The following FER variants were observed in gnomAD, a reference collection of about 807,000 sequenced individuals.
The protein encoded by FER is FER tyrosine kinase.
A neutral mutation model predicts 111.0 loss-of-function variants in FER; 63 were observed. The observed-to-expected ratio is 0.57, with a 90% CI of 0.46 to 0.70. FER has a LOEUF of 0.70. FER is among the 30% of genes least tolerant of loss of function. The probability of loss-of-function intolerance (pLI) is 0.00; values close to 1 mark genes in which losing one functional copy is unlikely to be tolerated. For synonymous variants in FER, 327 were observed against 313.9 expected, an observed-to-expected ratio of 1.04 and a Z score of -0.44; for missense variants, 914 against 954.0, an observed-to-expected ratio of 0.96 and a Z score of 0.55.
intron 17 of FER, among the ~76,000 whole-genome samples, chr5:109,162,766 A>G (rs1241876980): frequency 1.3e-5 from 2 of 152,158 alleles, no homozygotes; most frequent in African/African-American, 4.8e-5. Context: ...ATAGTTACAA[A>G]TAGATATTTA....
intron 13 of FER, among the ~76,000 whole-genome samples, chr5:108,998,637 A>G (rs997409072): frequency 2.6e-5 from 4 of 152,126 alleles, no homozygotes; most frequent in Non-Finnish European, 5.9e-5. Context: ...TTCCATCAAT[A>G]CCTAGTTTAT....
chr5:108,957,258 G>A (rs537171519), intron 12 of FER, among the ~76,000 whole-genome samples: 1 of 151,698 alleles, frequency 6.6e-6, no homozygotes, highest in Non-Finnish European at 1.5e-5. Context: ...ATGCATTCAT[G>A]CATTCAAGAC....
chr5:109,030,283 G>A (rs12153527), intron 13 of FER, among the ~76,000 whole-genome samples: 28,222 of 151,952 alleles, frequency 0.19, 2,775 homozygotes, highest in Non-Finnish European at 0.22. Context: ...TCCTCGTCAG[G>A]TAATTCCAAC....
At chr5:108,797,293 G>T (rs775982519) in intron 2 of FER, among the ~76,000 whole-genome samples, 2 of 152,086 alleles carry the variant, frequency 1.3e-5, no homozygotes, top group Non-Finnish European at 2.9e-5. Flanking sequence ...CAAGCAGAAG[G>T]ATGGAGTCAC....
At chr5:108,899,843 T>C (rs1434481235) in intron 10 of FER, among the ~76,000 whole-genome samples, 7 of 152,150 alleles carry the variant, frequency 4.6e-5, no homozygotes, top group Middle Eastern at 3.4e-3. Flanking sequence ...GAGTTTAATA[T>C]TTCATAATCA....
chr5:108,869,939 C>G lies in FER; in HGVS notation c.666-1426C>G, dbSNP rs557415430. Among the ~76,000 whole-genome samples, 7 of 152,134 alleles carry G rather than the reference C, an allele frequency of 4.6e-5. No individual in the cohort carries two copies. The South Asian group carries it at 1.5e-3, about 32-fold the overall frequency. ...TTTTTAGTTAATTTGAATATGTAAA[C>G]TTTTTAGTGTTGATAAAATAGTGAA... is the stretch of plus-strand genomic sequence containing the variant. On this transcript the variant is annotated intron_variant, in intron 6 of 19. Coordinates refer to ENST00000281092, the MANE Select transcript of FER (RefSeq NM_005246.4).
In FER at chr5:109,044,663, T is replaced by A. The variant is rs1771691835; in HGVS notation, c.1714-17T>A. On this transcript the variant is annotated splice_polypyrimidine_tract_variant and intron_variant, in intron 14 of 19. Transcript: ENST00000281092. The stretch of plus-strand genomic sequence containing the variant: ...GCTGTCATTTACCCCAGACAATGAA[T>A]GTATTTCTATTTTCAGGGAAATTTT... The A allele has an allele frequency of 1.6e-6, 2 of 1,255,240 alleles. No individual in the cohort carries two copies. Among genetic ancestry groups the A allele is most frequent in the African/African-American group, 1.5e-5 (1 of 66,216 alleles). 77.8% of individuals were successfully genotyped at this position (1,255,240 alleles called of 1,614,324 possible). A position where few individuals can be genotyped will look rare whatever the true frequency, so the allele number is the denominator to read the frequency against.
chr5:108,931,628 G>A (rs146745552), intron 10 of FER, among the ~76,000 whole-genome samples: 204 of 152,142 alleles, frequency 1.3e-3, no homozygotes, highest in Middle Eastern at 0.01. Flanking sequence ...TCAGGAGTTC[G>A]AGACCAGCCT....
intron 17 of FER, among the ~76,000 whole-genome samples, chr5:109,125,711 A>AT (rs1751626804): frequency 2.6e-5 from 4 of 152,112 alleles, no homozygotes; most frequent in Admixed American, 1.3e-4. Flanking sequence ...ACAGAACTGG[A>AT]TTTTTTCTCT....
chr5:109,076,166 A>G (rs2150007203), intron 16 of FER, among the ~76,000 whole-genome samples: 1 of 152,270 alleles, frequency 6.6e-6, no homozygotes, highest in East Asian at 1.9e-4. Context: ...AAAATTATAT[A>G]TAAGGAGAAA....
At chr5:109,111,894 A>G in intron 17 of FER, among the ~76,000 whole-genome samples, 1 of 152,154 alleles carries the variant, frequency 6.6e-6, no homozygotes, top group East Asian at 1.9e-4. Context: ...ACATAGCGAC[A>G]CCATAAGAAA....
At chr5:109,122,021 T>A (rs976116268) in intron 17 of FER, among the ~76,000 whole-genome samples, 5 of 151,820 alleles carry the variant, frequency 3.3e-5, no homozygotes, top group Non-Finnish European at 7.4e-5. Flanking sequence ...TTTTATCTTT[T>A]AAAAAAAACA....
intron 13 of FER, among the ~76,000 whole-genome samples, chr5:109,032,064 A>C (rs1407468188): frequency 6.6e-6 from 1 of 152,132 alleles, no homozygotes; most frequent in African/African-American, 2.4e-5. Flanking sequence ...TCTATCTTAA[A>C]ATTCCAGGTT....
At chr5:108,976,708 C>A (rs1450576395) in intron 13 of FER, among the ~76,000 whole-genome samples, 1 of 152,222 alleles carries the variant, frequency 6.6e-6, no homozygotes, top group East Asian at 1.9e-4. Context: ...GAAAATATTA[C>A]TTTAAAAATT....
At chr5:108,994,258 C>T (rs1763707500) in intron 13 of FER, among the ~76,000 whole-genome samples, 1 of 152,164 alleles carries the variant, frequency 6.6e-6, no homozygotes, top group African/African-American at 2.4e-5. Context: ...GTATTTCAGT[C>T]TTTAATCCAT....
intron 13 of FER, among the ~76,000 whole-genome samples, chr5:109,016,282 G>T (rs1457882795): frequency 6.6e-6 from 1 of 151,994 alleles, no homozygotes; most frequent in Non-Finnish European, 1.5e-5. Context: ...TCTATAGGCT[G>T]ATGATAAGCT....
At chr5:108,916,092 A>G (rs550324234) in intron 10 of FER, among the ~76,000 whole-genome samples, 3 of 152,338 alleles carry the variant, frequency 2.0e-5, no homozygotes, top group East Asian at 3.9e-4. Flanking sequence ...GTAAGAATTC[A>G]TAGACAAAAG....
At chr5:108,774,692 CTTTTTT>C (rs952613706) in intron 2 of FER, among the ~76,000 whole-genome samples, 5 of 150,990 alleles carry the variant, frequency 3.3e-5, no homozygotes, top group Admixed American at 1.3e-4. Flanking sequence ...ACATAAATGT[CTTTTTT>C]TGAGATGTGT....
chr5:109,086,004 T>G (rs1777522829), intron 16 of FER, among the ~76,000 whole-genome samples: 1 of 151,846 alleles, frequency 6.6e-6, no homozygotes, highest in Non-Finnish European at 1.5e-5. Flanking sequence ...TTCCTTTTCT[T>G]ATAATATCCT....
Sources: allele counts gnomAD v4.1 joint callset (sites outside exome capture counted in the v4.1 genomes callset), GRCh38; gene constraint gnomAD v4.1.1; transcripts MANE v1.5; gene names NCBI Gene and HGNC (gene_info 2026-07-23, HGNC 2026-07-21).